EPCAM: variants seen among roughly 807,000 people sequenced by gnomAD.
The protein encoded by EPCAM is epithelial cell adhesion molecule, also known as adenocarcinoma-associated antigen.
A neutral mutation model predicts 40.0 loss-of-function variants in EPCAM; 39 were observed. The observed-to-expected ratio is 0.98, with a 90% confidence interval of 0.76 to 1.27. The LOEUF (loss-of-function observed/expected upper bound fraction) is 1.27, where lower values mean the gene tolerates loss of function less well. Ranked by LOEUF, EPCAM falls within the 50% of genes most tolerant of loss-of-function variation. EPCAM has a pLI of 0.00. For synonymous variants in EPCAM, 168 were observed against 132.3 expected, an observed-to-expected ratio of 1.27 and a Z score of -1.85; for missense variants, 503 against 381.2, an observed-to-expected ratio of 1.32 and a Z score of -2.66.
At chr2:47,369,684 G>C (rs1388258784) in intron 1 of EPCAM, 103 bp downstream of exon 1, 1 of 1,199,936 alleles carries the variant, frequency 8.3e-7, no homozygotes, top group Non-Finnish European at 1.2e-6. Flanking sequence ...AGGGGACCAA[G>C]AGGCCGCGCT....
intron 5 of EPCAM, chr2:47,377,726 A>G (rs372928176): frequency 6.9e-4 from 297 of 433,506 alleles, no homozygotes; most frequent in Non-Finnish European, 8.6e-4. Context: ...TTTGGTAAAT[A>G]CAGTTTTGGT....
chr2:47,381,668 C>G (rs1671594874), intron 7 of EPCAM, among the ~76,000 whole-genome samples: 1 of 152,100 alleles, frequency 6.6e-6, no homozygotes, highest in South Asian at 2.1e-4. Context: ...AAAAAGTAAA[C>G]TCCCAAGAAA....
At chr2:47,383,015 G>A (rs1174245068) in intron 7 of EPCAM, 1 of 151,072 alleles carries the variant, frequency 6.6e-6, no homozygotes, top group African/African-American at 2.4e-5. Flanking sequence ...TTTTGGAATG[G>A]AGTCTCGCTG....
chr2:47,380,669 G>T, intron 7 of EPCAM, among the ~76,000 whole-genome samples: 2 of 152,304 alleles, frequency 1.3e-5, no homozygotes, highest in South Asian at 4.1e-4. Context: ...AAAGTGATAT[G>T]TGAATCAATA....
chr2:47,380,496 C>A (rs1204866179), intron 7 of EPCAM, among the ~76,000 whole-genome samples: 2 of 152,156 alleles, frequency 1.3e-5, no homozygotes, highest in African/African-American at 4.8e-5. Flanking sequence ...AAGCTTGTGG[C>A]TGTGCACCTC....
chr2:47,382,985 T>G (rs201346522), intron 7 of EPCAM, among the ~76,000 whole-genome samples: 1 of 151,908 alleles, frequency 6.6e-6, no homozygotes, highest in East Asian at 2.0e-4. Flanking sequence ...ACCAAACTGT[T>G]AAATTTCTTT....
At chr2:47,369,924 G>T in intron 1 of EPCAM, 1 of 412,046 alleles carries the variant, frequency 2.4e-6, no homozygotes, top group South Asian at 2.0e-5. Context: ...CCACGTCCTC[G>T]GTTCGGGGTG....
At chr2:47,381,893 A>G (rs1004589811) in intron 7 of EPCAM, among the ~76,000 whole-genome samples, 19 of 152,240 alleles carry the variant, frequency 1.2e-4, no homozygotes, top group Admixed American at 1.1e-3. Flanking sequence ...TATCCTCCCA[A>G]GTAGCAAGGA....
intron 1 of EPCAM, among the ~76,000 whole-genome samples, chr2:47,372,800 T>C (rs530510150): frequency 6.6e-6 from 1 of 152,032 alleles, no homozygotes; most frequent in South Asian, 2.1e-4. Flanking sequence ...AGGCAGTGAC[T>C]AACAGGGATG....
At chr2:47,370,913 A>T (rs1671245242) in intron 1 of EPCAM, among the ~76,000 whole-genome samples, 1 of 151,994 alleles carries the variant, frequency 6.6e-6, no homozygotes, top group Non-Finnish European at 1.5e-5. Flanking sequence ...GGGTTTCGCC[A>T]TGTTGGCCAG....
At chr2:47,376,334 G>GCAA (rs1558436442) in intron 4 of EPCAM, among the ~76,000 whole-genome samples, 3 of 143,174 alleles carry the variant, frequency 2.1e-5, no homozygotes, top group African/African-American at 7.9e-5. Context: ...ACGGCTCACC[G>GCAA]CAACCTCTGC....
intron 6 of EPCAM, 47 bp downstream of exon 6, chr2:47,379,101 A>G (rs1222000500): frequency 2.1e-6 from 2 of 972,308 alleles, no homozygotes; most frequent in Admixed American, 3.4e-5. Flanking sequence ...GTAGTCTATC[A>G]TGCCTCAATG....
At chr2:47,381,948 G>C (rs1178317812) in intron 7 of EPCAM, among the ~76,000 whole-genome samples, 1 of 152,034 alleles carries the variant, frequency 6.6e-6, no homozygotes, top group Non-Finnish European at 1.5e-5. Flanking sequence ...TTAATTTTTA[G>C]TAGAGACGAA....
chr2:47,370,596 A>G (rs909525216), intron 1 of EPCAM, among the ~76,000 whole-genome samples: 2 of 129,716 alleles, frequency 1.5e-5, no homozygotes, highest in Admixed American at 7.5e-5. Flanking sequence ...TTTATTTGAA[A>G]CAGCCTTGTT....
intron 4 of EPCAM, among the ~76,000 whole-genome samples, chr2:47,375,984 G>A (rs933810956): frequency 6.6e-6 from 1 of 152,078 alleles, no homozygotes; most frequent in Admixed American, 6.6e-5. Flanking sequence ...AATTACAGGT[G>A]TGAGCTTCCG....
chr2:47,378,786 A>T lies in EPCAM; in HGVS notation c.556-167A>T, dbSNP rs869312586. Among the ~76,000 whole-genome samples the T allele has an allele frequency of 4.6e-5, 7 of 152,284 alleles. No homozygotes were observed. The highest frequency in any genetic ancestry group is 3.4e-3 in the Middle Eastern group (1 of 294). On this transcript the variant is annotated intron_variant, in intron 5 of 8. Transcript: ENST00000263735. ...TGATAGATTTAGAGACCTCCCAAAG[A>T]TTTCTTGATTAGTGATAAACTTAGT...
At chr2:47,378,434 T>A (rs1403237432) in intron 5 of EPCAM, among the ~76,000 whole-genome samples, 1 of 151,742 alleles carries the variant, frequency 6.6e-6, no homozygotes, top group Non-Finnish European at 1.5e-5. Context: ...CCCTGGTAGC[T>A]GGGATTACAG....
Position 47,369,784 on chromosome 2 carries a change from C to G in EPCAM, c.76+203C>G, listed in dbSNP as rs554448485. The G allele has an allele frequency of 4.9e-4, 340 of 700,828 alleles. No homozygotes were observed. In the African/African-American group the frequency reaches 5.4e-3, roughly 11 times the overall value. 43.4% of individuals were successfully genotyped at this position (700,828 alleles called of 1,614,324 possible). A position where few individuals can be genotyped will look rare whatever the true frequency, so the allele number is the denominator to read the frequency against. On this transcript the variant is annotated intron_variant, in intron 1 of 8. Transcript: ENST00000263735. The stretch of plus-strand genomic sequence containing the variant: ...GGCGAGGGCCGTCCCGGGGAGCAGC[C>G]TCACTTCGCAGCTTTGCTCGCCTTG...
chr2:47,377,487 T>G (rs1019108253), intron 5 of EPCAM, among the ~76,000 whole-genome samples: 4 of 152,080 alleles, frequency 2.6e-5, no homozygotes. Context: ...TCTGTCTGCC[T>G]CAGCCTCTCA....
Sources: gnomAD v4.1 joint callset for allele counts (sites outside exome capture counted in the v4.1 genomes callset) on GRCh38, gnomAD v4.1.1 for gene constraint, MANE v1.5 for transcripts, NCBI Gene and HGNC (gene_info 2026-07-23, HGNC 2026-07-21) for gene names.